The following OXR1 variants were observed in gnomAD, a reference collection of about 807,000 sequenced individuals.
OXR1 encodes oxidation resistance protein 1.
In OXR1, 41 loss-of-function variants were observed where a neutral mutation model predicts 104.6. The observed-to-expected ratio is 0.39, with a 90% CI of 0.31 to 0.51. OXR1 has a LOEUF of 0.51. OXR1 is among the 20% of genes least tolerant of loss of function. The pLI is 0.77. For missense variants in OXR1, 955 were observed against 1,031.9 expected (o/e 0.93, Z 1.02); for synonymous variants, 348 against 348.4 (o/e 1.00, Z 0.01).
intron 2 of OXR1, among the ~76,000 whole-genome samples, chr8:106,433,429 C>G (rs1448126837): frequency 1.3e-5 from 2 of 152,148 alleles, no homozygotes; most frequent in African/African-American, 2.4e-5. Flanking sequence ...CTGCATGACT[C>G]CTAAATTGTG....
At chr8:106,740,060 A>G (rs909254561) in intron 13 of OXR1, among the ~76,000 whole-genome samples, 3 of 152,154 alleles carry the variant, frequency 2.0e-5, no homozygotes, top group Non-Finnish European at 4.4e-5. Flanking sequence ...TTAATTCAAT[A>G]TGGAAGGCAA....
intron 3 of OXR1, among the ~76,000 whole-genome samples, chr8:106,532,038 A>G (rs1422801752): frequency 6.6e-6 from 1 of 152,236 alleles, no homozygotes; most frequent in East Asian, 1.9e-4. Context: ...TTACTCATTC[A>G]TTTAAAAATA....
chr8:106,553,311 A>G (rs1816016170), intron 3 of OXR1, among the ~76,000 whole-genome samples: 2 of 127,428 alleles, frequency 1.6e-5, no homozygotes, highest in Non-Finnish European at 3.2e-5. Flanking sequence ...CTTTTCATGC[A>G]ATTTTCTTCT....
At position 106,396,336 on chromosome 8, in the gene OXR1, C is replaced by T. The variant is rs147223250; in HGVS notation, c.23+36700C>T. Among the ~76,000 whole-genome samples the T allele has an allele frequency of 1.6e-3, 247 of 151,990 alleles. 2 individuals carry two copies. The highest frequency in any genetic ancestry group is 3.9e-4 in the East Asian group (2 of 5,172). Reference sequence around the variant, plus strand: ...GCCTGAGCCAAGTGATCAAAGTTAACGTTGCTGGTGATACGGGACATCCAT... The same window carrying T: ...GCCTGAGCCAAGTGATCAAAGTTAATGTTGCTGGTGATACGGGACATCCAT... On this transcript the variant is annotated intron_variant, in intron 2 of 16. Coordinates refer to ENST00000517566, the MANE Select transcript of OXR1 (RefSeq NM_001198533.2).
intron 1 of OXR1, among the ~76,000 whole-genome samples, chr8:106,333,503 TTC>T (rs1814812024): frequency 6.6e-6 from 1 of 152,074 alleles, no homozygotes; most frequent in South Asian, 2.1e-4. Flanking sequence ...ACTTACCTTT[TTC>T]TGTTTTTGGT....
intron 3 of OXR1, among the ~76,000 whole-genome samples, chr8:106,573,377 ACACG>A (rs1349095888): frequency 3.3e-5 from 5 of 150,332 alleles, no homozygotes; most frequent in African/African-American, 7.4e-5. Flanking sequence ...ACACACACAC[ACACG>A]GAAAGCTTGA....
At chr8:106,278,938 T>C (rs1812170709) in intron 1 of OXR1, among the ~76,000 whole-genome samples, 1 of 152,104 alleles carries the variant, frequency 6.6e-6, no homozygotes, top group Non-Finnish European at 1.5e-5. Context: ...TAGCAATTGG[T>C]TTTTCCATAT....
intron 2 of OXR1, among the ~76,000 whole-genome samples, chr8:106,396,598 C>T (rs1817792937): frequency 6.6e-6 from 1 of 152,036 alleles, no homozygotes; most frequent in South Asian, 2.1e-4. Context: ...CAACTAAATG[C>T]AGTATGGTTC....
rs140399672 is a variant in OXR1, at chr8:106,598,838, T to G, written c.220+79699T>G. ...ACTTAATCTCACAAGTGAGGGATAT[T>G]TTGCCTCAGAAAAAAAATAAAATAA... is the stretch of plus-strand genomic sequence containing the variant. On this transcript the variant is annotated intron_variant, in intron 3 of 16. Coordinates refer to ENST00000517566, the MANE Select transcript of OXR1 (RefSeq NM_001198533.2). 1.9e-3 allele frequency among the ~76,000 whole-genome samples: 287 copies of G among 152,306 alleles called. 2 individuals are homozygous for G. The highest frequency in any genetic ancestry group is 6.5e-3 in the African/African-American group (271 of 41,562).
At chr8:106,710,131 A>G (rs557627167) in intron 9 of OXR1, among the ~76,000 whole-genome samples, 1 of 152,266 alleles carries the variant, frequency 6.6e-6, no homozygotes, top group Non-Finnish European at 1.5e-5. Context: ...AGAATCTAAC[A>G]TATTATTGAC....
intron 2 of OXR1, among the ~76,000 whole-genome samples, chr8:106,442,118 C>T (rs533394957): frequency 6.6e-6 from 1 of 152,158 alleles, no homozygotes; most frequent in South Asian, 2.1e-4. Context: ...GAGTTTTTAC[C>T]ATGAAGTGGT....
chr8:106,387,678 C>A (rs1817430672), intron 2 of OXR1, among the ~76,000 whole-genome samples: 1 of 152,158 alleles, frequency 6.6e-6, no homozygotes, highest in Non-Finnish European at 1.5e-5. Context: ...TATTTTAAGT[C>A]TAGGGTTGCA....
intron 1 of OXR1, among the ~76,000 whole-genome samples, chr8:106,291,515 C>T (rs1251027255): frequency 6.6e-6 from 1 of 152,184 alleles, no homozygotes; most frequent in Non-Finnish European, 1.5e-5. Flanking sequence ...AAAAAACAAG[C>T]ACATACAGCA....
intron 3 of OXR1, among the ~76,000 whole-genome samples, chr8:106,658,785 TTTGTG>T (rs1389622599): frequency 5.9e-5 from 9 of 152,218 alleles, no homozygotes; most frequent in African/African-American, 1.9e-4. Flanking sequence ...TCCTGTTTAT[TTTGTG>T]TTGTGTTGGC....
intron 2 of OXR1, among the ~76,000 whole-genome samples, chr8:106,484,702 T>G (rs766141739): frequency 3.3e-5 from 5 of 151,972 alleles, no homozygotes; most frequent in Non-Finnish European, 5.9e-5. Flanking sequence ...CAACAGGAAC[T>G]CTCATTCATT....
rs1212414251 is a variant in OXR1, at chr8:106,737,617, T to C, written c.2037+17T>C. 8.5e-7 allele frequency: 1 copy of C among 1,175,496 alleles called. No individual in the cohort carries two copies. Among genetic ancestry groups the C allele is most frequent in the African/African-American group, 1.5e-5 (1 of 64,812 alleles). 72.8% of individuals were successfully genotyped at this position (1,175,496 alleles called of 1,614,324 possible). ...CGCCTCCAGGTGCCCCCTTCAGTAGTTTAAACCCCTCCAGAGACTAAATAC... is the reference window on the plus strand; with the variant it reads ...CGCCTCCAGGTGCCCCCTTCAGTAGCTTAAACCCCTCCAGAGACTAAATAC... On this transcript the variant is annotated intron_variant, in intron 12 of 16. Coordinates refer to ENST00000517566, the MANE Select transcript of OXR1 (RefSeq NM_001198533.2).
chr8:106,555,276 C>A (rs1816178767), intron 3 of OXR1, among the ~76,000 whole-genome samples: 1 of 152,000 alleles, frequency 6.6e-6, no homozygotes, highest in African/African-American at 2.4e-5. Context: ...GCTAAGGTTC[C>A]CAAATGTGCA....
chr8:106,407,775 G>T (rs1476078397), intron 2 of OXR1, among the ~76,000 whole-genome samples: 1 of 152,164 alleles, frequency 6.6e-6, no homozygotes, highest in Non-Finnish European at 1.5e-5. Flanking sequence ...CCCTGAATGT[G>T]CTCAATTTTG....
chr8:106,749,761 A>T (rs1835719142), intron 16 of OXR1, among the ~76,000 whole-genome samples: 1 of 152,202 alleles, frequency 6.6e-6, no homozygotes, highest in African/African-American at 2.4e-5. Context: ...TATGTTAATT[A>T]ATAGTCTTTG....
Sources: allele counts gnomAD v4.1 joint callset (sites outside exome capture counted in the v4.1 genomes callset), GRCh38; gene constraint gnomAD v4.1.1; transcripts MANE v1.5; gene names NCBI Gene and HGNC (gene_info 2026-07-23, HGNC 2026-07-21).